The following SCGB2B2 variants were observed in gnomAD, a reference collection of about 807,000 sequenced individuals.
SCGB2B2 encodes secretoglobin-like protein.
In SCGB2B2, 11 loss-of-function variants were observed where a neutral mutation model predicts 7.6. The observed-to-expected ratio is 1.45, with a 90% CI of 0.91 to 2.40. The LOEUF (loss-of-function observed/expected upper bound fraction) is 2.40. Ranked by LOEUF, SCGB2B2 falls within the 30% of genes most tolerant of loss-of-function variation. SCGB2B2 has a pLI of 0.00. For synonymous variants in SCGB2B2, 50 were observed against 48.6 expected, an observed-to-expected ratio of 1.03 and a Z score of -0.12; for missense variants, 104 against 115.4, an observed-to-expected ratio of 0.90 and a Z score of 0.45.
At chr19:34,669,776 A>G (rs1007204795) in intron 1 of SCGB2B2, among the ~76,000 whole-genome samples, 1 of 139,930 alleles carries the variant, frequency 7.1e-6, no homozygotes, top group Non-Finnish European at 1.6e-5. Context: ...AATTTATGGC[A>G]GTGACTGAGT....
chr19:34,652,494 G>A (rs56371991), intron 1 of SCGB2B2, among the ~76,000 whole-genome samples: 20,038 of 151,248 alleles, frequency 0.13, 1,736 homozygotes, highest in East Asian at 0.28. Flanking sequence ...TAAATTAGCT[G>A]AATAAACATC....
chr19:34,622,822 G>T (rs1346383440), intron 1 of SCGB2B2, among the ~76,000 whole-genome samples: 1 of 152,014 alleles, frequency 6.6e-6, no homozygotes, highest in East Asian at 1.9e-4. Context: ...TGTCCTTTAA[G>T]ATTAGCTGTC....
chr19:34,632,162 C>T (rs1600056734), intron 1 of SCGB2B2: 1 of 152,088 alleles, frequency 6.6e-6, no homozygotes, highest in East Asian at 1.9e-4. Flanking sequence ...CCTAAAAGTA[C>T]AAAACTTTAA....
chr19:34,637,916 T>TA lies in SCGB2B2; in HGVS notation c.-2032+37713dup, dbSNP rs2066731397. ...AGAGTTTGAATGTTTTCTGGTTGGG[T>TA]AGAGGTAGGTAAGCTGAGGCTGTGA... On this transcript the variant is annotated intron_variant, in intron 1 of 3. Coordinates refer to ENST00000601241, the MANE Select transcript of SCGB2B2 (RefSeq NM_001025591.4). 9 of 152,268 alleles carry TA rather than the reference T, an allele frequency of 5.9e-5. No homozygotes were observed. In the East Asian group the frequency reaches 1.7e-3, roughly 29 times the overall value. 9.4% of individuals were successfully genotyped at this position (152,268 alleles called of 1,614,324 possible).
intron 1 of SCGB2B2, among the ~76,000 whole-genome samples, chr19:34,620,349 TA>T (rs1325748508): frequency 1.3e-5 from 2 of 151,774 alleles, no homozygotes; most frequent in Non-Finnish European, 2.9e-5. Context: ...TATGCAGCCA[TA>T]AAAAAGGATG....
At chr19:34,612,710 C>T (rs1282780069) in intron 1 of SCGB2B2, among the ~76,000 whole-genome samples, 2 of 152,134 alleles carry the variant, frequency 1.3e-5, no homozygotes, top group African/African-American at 4.8e-5. Flanking sequence ...GTTTCTTTGT[C>T]AATTTTCTGT....
chr19:34,652,199 A>G (rs2067178622), intron 1 of SCGB2B2, among the ~76,000 whole-genome samples: 1 of 151,322 alleles, frequency 6.6e-6, no homozygotes, highest in Non-Finnish European at 1.5e-5. Flanking sequence ...GGGAAATACT[A>G]CAATACTGAT....
At chr19:34,601,236 C>A (rs2065615046) in intron 1 of SCGB2B2, among the ~76,000 whole-genome samples, 1 of 152,222 alleles carries the variant, frequency 6.6e-6, no homozygotes, top group South Asian at 2.1e-4. Flanking sequence ...TATTTTGTCT[C>A]ACTAGTCTGT....
downstream of SCGB2B2, among the ~76,000 whole-genome samples, chr19:34,590,029 A>T (rs555299470): frequency 1.3e-5 from 2 of 152,194 alleles, no homozygotes; most frequent in Non-Finnish European, 2.9e-5. Context: ...TCATTTCTTC[A>T]TCACAAGTTC....
intron 1 of SCGB2B2, among the ~76,000 whole-genome samples, chr19:34,622,758 C>T (rs62121962): frequency 0.044 from 6,719 of 152,194 alleles, 191 homozygotes; most frequent in Non-Finnish European, 0.07. Context: ...TCTTTGGACA[C>T]GGCCTGTTTT....
intron 1 of SCGB2B2, among the ~76,000 whole-genome samples, chr19:34,634,448 G>A (rs543230023): frequency 6.6e-6 from 1 of 152,204 alleles, no homozygotes. Context: ...AAAGTGCAAT[G>A]CAACTCCTGA....
intron 1 of SCGB2B2, among the ~76,000 whole-genome samples, chr19:34,600,996 TAA>T (rs555039090): frequency 6.6e-6 from 1 of 152,188 alleles, no homozygotes; most frequent in Non-Finnish European, 1.5e-5. Flanking sequence ...TTCTTTTACA[TAA>T]AGAGTTGTAA....
chr19:34,615,672 A>G (rs947133358), intron 1 of SCGB2B2, among the ~76,000 whole-genome samples: 13 of 152,134 alleles, frequency 8.5e-5, no homozygotes, highest in Non-Finnish European at 1.8e-4. Flanking sequence ...TTTGGTATCA[A>G]TCATGGTAAT....
At chr19:34,664,615 C>T (rs2067559305) in intron 1 of SCGB2B2, among the ~76,000 whole-genome samples, 1 of 152,218 alleles carries the variant, frequency 6.6e-6, no homozygotes, top group South Asian at 2.1e-4. Flanking sequence ...CTCTGCTGTG[C>T]CAGGTTGTGT....
chr19:34,614,731 T>C (rs1219137425), intron 1 of SCGB2B2, among the ~76,000 whole-genome samples: 2 of 152,246 alleles, frequency 1.3e-5, no homozygotes, highest in Non-Finnish European at 2.9e-5. Context: ...GAACAATTGC[T>C]TCTTTCAAAC....
chr19:34,608,685 A>ATATATATATATATG (rs1489127995), intron 1 of SCGB2B2: 3 of 131,474 alleles, frequency 2.3e-5, no homozygotes, highest in African/African-American at 8.3e-5. Context: ...ATATATATAT[A>ATATATATATATATG]CCGTATTTTC....
chr19:34,619,819 C>G (rs1195164991), intron 1 of SCGB2B2, among the ~76,000 whole-genome samples: 1 of 152,064 alleles, frequency 6.6e-6, no homozygotes, highest in Non-Finnish European at 1.5e-5. Flanking sequence ...AGGATTTTAA[C>G]TATTCAAGAG....
At chr19:34,611,594 C>A (rs1207829441) in intron 1 of SCGB2B2, among the ~76,000 whole-genome samples, 1 of 151,932 alleles carries the variant, frequency 6.6e-6, no homozygotes, top group African/African-American at 2.4e-5. Flanking sequence ...CTGCATCCCC[C>A]AGGCTTTTGT....
rs1004195176 is a variant in SCGB2B2 at position 34,676,726 on chromosome 19, T to G, written c.-3128A>C. ...GAAGATCATGCAGGTCAGTACTTAA[T>G]AAGTACAAAAAAGTCTATAGCGACA... On this transcript the variant is annotated 5_prime_UTR_variant, in exon 1 of 4. Transcript: ENST00000601241. The G allele has an allele frequency of 1.3e-5, 2 of 152,156 alleles. No homozygotes were observed. The highest frequency in any genetic ancestry group is 4.8e-5 in the African/African-American group (2 of 41,416). 9.4% of individuals were successfully genotyped at this position (152,156 alleles called of 1,614,324 possible).
Sources: allele counts gnomAD v4.1 joint callset (sites outside exome capture counted in the v4.1 genomes callset), GRCh38; gene constraint gnomAD v4.1.1; transcripts MANE v1.5; gene names NCBI Gene and HGNC (gene_info 2026-07-23, HGNC 2026-07-21).